SLC25A26: variants seen among roughly 807,000 people sequenced by gnomAD.
SLC25A26 encodes solute carrier family 25 member 26, also known as mitochondrial S-adenosylmethionine carrier protein.
A neutral mutation model predicts 37.8 loss-of-function variants in SLC25A26; 36 were observed. The observed-to-expected ratio is 0.95, with a 90% CI of 0.73 to 1.26. The LOEUF (loss-of-function observed/expected upper bound fraction) is 1.26. Among genes scored for constraint, SLC25A26 ranks in the 50% most tolerant of loss-of-function variants. The probability of loss-of-function intolerance (pLI) is 0.00; values close to 1 mark genes in which losing one functional copy is unlikely to be tolerated. For missense variants in SLC25A26, 390 were observed against 331.1 expected, an observed-to-expected ratio of 1.18 and a Z score of -1.38; for synonymous variants, 129 against 122.5, an observed-to-expected ratio of 1.05 and a Z score of -0.35.
intron 1 of SLC25A26, among the ~76,000 whole-genome samples, chr3:66,153,191 T>C (rs1184649356): frequency 6.6e-6 from 1 of 152,136 alleles, no homozygotes; most frequent in Non-Finnish European, 1.5e-5. Context: ...ACTACTGATA[T>C]CTAGTGGAAT....
At chr3:66,302,487 TC>T (rs2075104828) in intron 5 of SLC25A26, among the ~76,000 whole-genome samples, 1 of 151,636 alleles carries the variant, frequency 6.6e-6, no homozygotes, top group Non-Finnish European at 1.5e-5. Context: ...TTGACACTTT[TC>T]TCATTCTAGT....
chr3:66,250,783 A>G (rs1425225890), intron 3 of SLC25A26, among the ~76,000 whole-genome samples: 1 of 152,130 alleles, frequency 6.6e-6, no homozygotes, highest in Non-Finnish European at 1.5e-5. Flanking sequence ...TAATTCAGAA[A>G]AAGCCTCACA....
rs28711943 is a variant in SLC25A26 at position 66,141,565 on chromosome 3, T to A, written c.-354+7581T>A. 3.7e-3 allele frequency among the ~76,000 whole-genome samples: 557 copies of A among 151,852 alleles called. 1 individual carries two copies. The highest frequency in any genetic ancestry group is 5.7e-3 in the Non-Finnish European group (384 of 67,940). On this transcript the variant is annotated intron_variant, in intron 1 of 10. Coordinates refer to the SLC25A26 transcript ENST00000676754. ...TCTTATTCTGTCACCCAGGCTACAG[T>A]GCAGTGGCATGATCTTGGCTCCCTG... is the stretch of plus-strand genomic sequence containing the variant.
At chr3:66,165,697 T>A (rs1313205308) in intron 1 of SLC25A26, among the ~76,000 whole-genome samples, 1 of 152,170 alleles carries the variant, frequency 6.6e-6, no homozygotes, top group Non-Finnish European at 1.5e-5. Flanking sequence ...CAAAAGCATA[T>A]GGAATAACCT....
chr3:66,240,424 A>G (rs542088412), intron 2 of SLC25A26, among the ~76,000 whole-genome samples: 78 of 152,154 alleles, frequency 5.1e-4, no homozygotes, highest in African/African-American at 1.8e-3. Flanking sequence ...AGTAGCTGGG[A>G]TTACAGGTGT....
chr3:66,274,760 G>C (rs1038818764), intron 5 of SLC25A26, among the ~76,000 whole-genome samples: 6 of 152,254 alleles, frequency 3.9e-5, no homozygotes, highest in Non-Finnish European at 8.8e-5. Flanking sequence ...AACAGGTGCT[G>C]GAGAGGATGT....
Position 66,276,440 on chromosome 3 carries a change from A to G in SLC25A26, c.453+13061A>G, listed in dbSNP as rs372608800. Among the ~76,000 whole-genome samples the G allele has an allele frequency of 9.2e-5, 14 of 152,248 alleles. No homozygotes were observed. The East Asian group carries it at 2.5e-3, about 27-fold the overall frequency. On this transcript the variant is annotated intron_variant, in intron 5 of 9. Coordinates refer to ENST00000354883, the MANE Select transcript of SLC25A26 (RefSeq NM_001379210.1). Reference sequence around the variant, plus strand: ...GGGGGATCTACAAGACTTGAACCAAATCTTGACCTGAGTGAGAGTGGAGCA... The same window carrying G: ...GGGGGATCTACAAGACTTGAACCAAGTCTTGACCTGAGTGAGAGTGGAGCA...
chr3:66,320,420 G>A (rs1477363298), intron 5 of SLC25A26, among the ~76,000 whole-genome samples: 1 of 152,158 alleles, frequency 6.6e-6, no homozygotes, highest in Non-Finnish European at 1.5e-5. Flanking sequence ...TATCCATGTT[G>A]TAGTTTGTGT....
chr3:66,152,728 T>C (rs546218332), intron 1 of SLC25A26, among the ~76,000 whole-genome samples: 2 of 152,310 alleles, frequency 1.3e-5, no homozygotes, highest in South Asian at 2.1e-4. Flanking sequence ...TGGCTGACGT[T>C]GTCTATTTGC....
chr3:66,246,527 C>G (rs1429403109), intron 3 of SLC25A26, among the ~76,000 whole-genome samples: 1 of 152,068 alleles, frequency 6.6e-6, no homozygotes, highest in Admixed American at 6.5e-5. Flanking sequence ...GGAAAAGGCT[C>G]TAAGTTTCTA....
intron 6 of SLC25A26, among the ~76,000 whole-genome samples, chr3:66,357,760 ATTAAC>A (rs2076609731): frequency 6.6e-6 from 1 of 152,160 alleles, no homozygotes; most frequent in African/African-American, 2.4e-5. Flanking sequence ...AATTCATTGT[ATTAAC>A]TTCAAAATAT....
intron 6 of SLC25A26, among the ~76,000 whole-genome samples, chr3:66,349,366 G>A (rs554658799): frequency 5.9e-5 from 9 of 152,040 alleles, no homozygotes; most frequent in East Asian, 3.9e-4. Context: ...CCCTCATGCC[G>A]TCAGTGCCCT....
At chr3:66,148,690 A>T (rs1226540191) in intron 1 of SLC25A26, among the ~76,000 whole-genome samples, 2 of 152,188 alleles carry the variant, frequency 1.3e-5, no homozygotes, top group African/African-American at 4.8e-5. Context: ...AAAAGGAATT[A>T]GTTTCCTTTT....
At chr3:66,196,827 A>G (rs1452879008) in intron 1 of SLC25A26, among the ~76,000 whole-genome samples, 1 of 152,164 alleles carries the variant, frequency 6.6e-6, no homozygotes, top group Non-Finnish European at 1.5e-5. Context: ...TTCTGTAGAC[A>G]TAAGAGACAC....
At chr3:66,274,729 A>T (rs911520668) in intron 5 of SLC25A26, among the ~76,000 whole-genome samples, 2 of 152,164 alleles carry the variant, frequency 1.3e-5, no homozygotes, top group Admixed American at 6.5e-5. Context: ...TAGAATGGCG[A>T]TCATTAAAAA....
chr3:66,243,286 A>G lies in SLC25A26; in HGVS notation c.274A>G (p.Met92Val). The G allele has an allele frequency of 6.2e-7, 1 of 1,605,562 alleles. No homozygotes were observed. The highest frequency in any genetic ancestry group is 8.5e-7 in the Non-Finnish European group (1 of 1,174,192). The change falls in exon 3 of 10, where the codon ATG becomes GTG. Residue 92 changes from methionine to valine, a missense_variant. Transcript: ENST00000354883. ...TTCATATTTGACACCTATGAAACATATGTTGGCTGCCTCTGCTGGAGAAGT... is the reference window on the plus strand; with the variant it reads ...TTCATATTTGACACCTATGAAACATGTGTTGGCTGCCTCTGCTGGAGAAGT... ...SSSYLTPMKH[M>V]LAASAGEVVA...
chr3:66,296,787 T>G (rs1234109919), intron 5 of SLC25A26, among the ~76,000 whole-genome samples: 1 of 152,208 alleles, frequency 6.6e-6, no homozygotes, highest in Non-Finnish European at 1.5e-5. Flanking sequence ...ATTTTAGTAC[T>G]GGGAAGAATT....
chr3:66,327,891 T>G (rs1289717849), intron 5 of SLC25A26, among the ~76,000 whole-genome samples: 2 of 152,018 alleles, frequency 1.3e-5, no homozygotes, highest in African/African-American at 4.8e-5. Context: ...GGGGATTTTT[T>G]TTTTTTGCCA....
intron 1 of SLC25A26, among the ~76,000 whole-genome samples, chr3:66,215,794 A>T (rs924769161): frequency 3.9e-5 from 6 of 152,214 alleles, no homozygotes; most frequent in African/African-American, 1.4e-4. Flanking sequence ...TAGTTCCAGG[A>T]ATATTTTTAT....
Sources: allele counts gnomAD v4.1 joint callset (sites outside exome capture counted in the v4.1 genomes callset), GRCh38; gene constraint gnomAD v4.1.1; transcripts MANE v1.5; gene names NCBI Gene and HGNC (gene_info 2026-07-23, HGNC 2026-07-21).